The following AGBL4 variants were observed in gnomAD, a reference collection of about 807,000 sequenced individuals.
AGBL4 encodes the protein cytosolic carboxypeptidase 6.
Under a neutral mutation model 66.4 loss-of-function variants are expected in AGBL4, and 58 were observed. That is an observed-to-expected ratio of 0.87 (90% CI 0.71 to 1.09). The LOEUF is 1.09. AGBL4 is among the 50% of genes least tolerant of loss of function. The pLI is 0.00. For missense variants in AGBL4, 579 were observed against 631.0 expected (o/e 0.92, Z 0.88); for synonymous variants, 234 against 222.9 (o/e 1.05, Z -0.44).
chr1:49,785,893 A>AATATAT (rs34005960), intron 2 of AGBL4, among the ~76,000 whole-genome samples: 10 of 140,916 alleles, frequency 7.1e-5, no homozygotes, highest in Admixed American at 2.1e-4. Flanking sequence ...GGAAAAAAAA[A>AATATAT]ATATATATAT....
chr1:48,538,322 G>C (rs900423415), intron 12 of AGBL4, among the ~76,000 whole-genome samples: 1 of 152,130 alleles, frequency 6.6e-6, no homozygotes, highest in Non-Finnish European at 1.5e-5. Context: ...CATTTATTGA[G>C]CATCTACTAG....
At chr1:50,002,075 T>C (rs547807843) in intron 1 of AGBL4, among the ~76,000 whole-genome samples, 2 of 152,280 alleles carry the variant, frequency 1.3e-5, no homozygotes, top group African/African-American at 4.8e-5. Flanking sequence ...GTGTACTTTT[T>C]GTACACTGTA....
intron 6 of AGBL4, among the ~76,000 whole-genome samples, chr1:48,841,226 A>C (rs1008510446): frequency 2.0e-5 from 3 of 152,110 alleles, no homozygotes; most frequent in Non-Finnish European, 4.4e-5. Flanking sequence ...TAAAATTCAT[A>C]AAGCTGTATA....
chr1:49,967,505 G>T (rs1455708082), intron 1 of AGBL4, among the ~76,000 whole-genome samples: 1 of 151,886 alleles, frequency 6.6e-6, no homozygotes, highest in Non-Finnish European at 1.5e-5. Context: ...ACATACCGGG[G>T]CCTGTCAGGA....
intron 3 of AGBL4, among the ~76,000 whole-genome samples, chr1:49,679,051 ATGCCTG>A (rs1301604908): frequency 6.6e-6 from 1 of 152,124 alleles, no homozygotes; most frequent in Non-Finnish European, 1.5e-5. Context: ...ATGTTGATTG[ATGCCTG>A]TGGGTTGATG....
chr1:48,970,800 A>G (rs1658839343), intron 5 of AGBL4, among the ~76,000 whole-genome samples: 1 of 152,160 alleles, frequency 6.6e-6, no homozygotes, highest in African/African-American at 2.4e-5. Context: ...TCAAGAGGCT[A>G]TGAGTGCTAC....
In AGBL4 at chr1:49,667,637, G is replaced by A. The variant is rs548146836; in HGVS notation, c.282+29676C>T. Among the ~76,000 whole-genome samples, 4 of 152,096 alleles carry A rather than the reference G, an allele frequency of 2.6e-5. No individual in the cohort carries two copies. The East Asian group carries it at 7.7e-4, about 29-fold the overall frequency. On this transcript the variant is annotated intron_variant, in intron 3 of 13. Transcript: ENST00000371839. ...ATAAACTTTTAAATATCTGCACAAG[G>A]CTTCAAAAAAATCTGAGTTTCTCTA...
intron 1 of AGBL4, among the ~76,000 whole-genome samples, chr1:49,940,451 C>A (rs1053364788): frequency 1.8e-3 from 270 of 152,214 alleles, no homozygotes; most frequent in Non-Finnish European, 3.2e-3. Context: ...GGAACCAACC[C>A]AAATGTCCAT....
At chr1:49,498,327 C>A (rs1647801286) in intron 3 of AGBL4, among the ~76,000 whole-genome samples, 1 of 151,850 alleles carries the variant, frequency 6.6e-6, no homozygotes, top group Admixed American at 6.6e-5. Flanking sequence ...AATTTAGCTT[C>A]TCCCTTTCCT....
chr1:49,129,484 C>A (rs1224571611), intron 4 of AGBL4, among the ~76,000 whole-genome samples: 4 of 150,092 alleles, frequency 2.7e-5, no homozygotes, highest in African/African-American at 9.8e-5. Context: ...CCACAACAGT[C>A]CCCAGAGTGT....
In AGBL4 at chr1:48,976,649, A is replaced by G. The variant is rs563480542; in HGVS notation, c.594+68935T>C. Among the ~76,000 whole-genome samples the G allele has an allele frequency of 5.3e-5, 8 of 152,246 alleles. No individual in the cohort carries two copies. In the South Asian group the frequency reaches 1.5e-3, roughly 28 times the overall value. On this transcript the variant is annotated intron_variant, in intron 5 of 13. Transcript: ENST00000371839. ...AGACATAGCAGTGATAGGCTCATGC[A>G]TATAATATTTATTGGTCTTATCCTT...
chr1:49,527,439 CATTT>C (rs1650757709), intron 3 of AGBL4: 1 of 152,590 alleles, frequency 6.6e-6, no homozygotes, highest in South Asian at 2.1e-4. Flanking sequence ...CTTACTCATT[CATTT>C]AATCAAAAAC....
intron 9 of AGBL4, among the ~76,000 whole-genome samples, chr1:48,613,222 T>C (rs1025270556): frequency 1.3e-5 from 2 of 151,828 alleles, no homozygotes; most frequent in Admixed American, 1.3e-4. Flanking sequence ...AATGAAGAAA[T>C]GAGAGAGGTT....
At chr1:49,188,157 TA>T (rs1457309994) in intron 4 of AGBL4, among the ~76,000 whole-genome samples, 6 of 152,128 alleles carry the variant, frequency 3.9e-5, no homozygotes, top group African/African-American at 1.4e-4. Context: ...CAGTCTCAGG[TA>T]TGTCTTTATC....
At chr1:48,567,758 C>T (rs1644499595) in intron 11 of AGBL4, among the ~76,000 whole-genome samples, 1 of 152,144 alleles carries the variant, frequency 6.6e-6, no homozygotes, top group Non-Finnish European at 1.5e-5. Flanking sequence ...TTTGGCTGAG[C>T]AGGGAGGGCT....
At chr1:49,189,812 T>A (rs1361019715) in intron 4 of AGBL4, among the ~76,000 whole-genome samples, 1 of 152,138 alleles carries the variant, frequency 6.6e-6, no homozygotes, top group East Asian at 1.9e-4. Flanking sequence ...AAAAAGTGGG[T>A]ATGATATCCA....
chr1:48,847,569 G>C (rs1394497400), intron 6 of AGBL4, among the ~76,000 whole-genome samples: 2 of 152,138 alleles, frequency 1.3e-5, no homozygotes, highest in Admixed American at 1.3e-4. Flanking sequence ...CTAGGATTTA[G>C]ACAATAAAAC....
At chr1:49,890,438 TA>T (rs2148165407) in intron 1 of AGBL4, among the ~76,000 whole-genome samples, 1 of 152,304 alleles carries the variant, frequency 6.6e-6, no homozygotes, top group African/African-American at 2.4e-5. Flanking sequence ...GACATTGTTC[TA>T]CGCATTTGTT....
intron 3 of AGBL4, among the ~76,000 whole-genome samples, chr1:49,395,833 A>ATACATATATATATATGTG (rs1557900561): frequency 3.2e-4 from 23 of 72,954 alleles, no homozygotes; most frequent in Non-Finnish European, 5.7e-4. Context: ...ATATATGTGT[A>ATACATATATATATATGTG]TATATATATA....
Sources: allele counts gnomAD v4.1 joint callset (sites outside exome capture counted in the v4.1 genomes callset), GRCh38; gene constraint gnomAD v4.1.1; transcripts MANE v1.5; gene names NCBI Gene and HGNC (gene_info 2026-07-23, HGNC 2026-07-21).